Variants in FANCL observed in about 807,000 individuals in gnomAD.
FANCL encodes the protein E3 ubiquitin-protein ligase FANCL.
FANCL carries 69 observed loss-of-function variants against 59.4 expected under a neutral mutation model. That is an observed-to-expected ratio of 1.16 (90% CI 0.96 to 1.42). The LOEUF is 1.42. Ranked by LOEUF, FANCL falls within the 40% of genes most tolerant of loss-of-function variation. The pLI is 0.00. For synonymous variants in FANCL, 180 were observed against 147.1 expected, an observed-to-expected ratio of 1.22 and a Z score of -1.62; for missense variants, 519 against 447.2, an observed-to-expected ratio of 1.16 and a Z score of -1.45.
At position 58,214,204 on chromosome 2, in the gene FANCL, A is replaced by C. The variant is rs139096241; in HGVS notation, c.374+7738T>G. Among the ~76,000 whole-genome samples the C allele has an allele frequency of 3.9e-4, 59 of 152,334 alleles. 1 individual carries two copies. The highest frequency in any genetic ancestry group is 1.4e-3 in the African/African-American group (58 of 41,588). On this transcript the variant is annotated intron_variant, in intron 5 of 13. Transcript: ENST00000233741. ...GAAAAAAGGAGGCAATTATATTGTG[A>C]TAAGTGACATATGATAGAGATATTC...
intron 8 of FANCL, among the ~76,000 whole-genome samples, chr2:58,164,370 A>G (rs1685654568): frequency 6.6e-6 from 1 of 152,016 alleles, no homozygotes; most frequent in South Asian, 2.1e-4. Context: ...TTAACAGAAA[A>G]AAATGACTAG....
chr2:58,239,680 A>T (rs1199821837), intron 1 of FANCL, among the ~76,000 whole-genome samples: 2 of 152,206 alleles, frequency 1.3e-5, no homozygotes, highest in Admixed American at 1.3e-4. Flanking sequence ...CCTCGTTCTT[A>T]TGAAATGTAT....
chr2:58,165,589 A>C (rs956704354), intron 8 of FANCL, 135 bp downstream of exon 8: 7 of 1,074,266 alleles, frequency 6.5e-6, no homozygotes, highest in Non-Finnish European at 9.5e-6. Context: ...TGTAGCCAAA[A>C]AAAAGTTTAT....
Position 58,160,182 on chromosome 2 carries a change from G to C in FANCL, c.1021-3C>G. On this transcript the variant is annotated splice_polypyrimidine_tract_variant and splice_region_variant and intron_variant, in intron 12 of 13. Transcript: ENST00000233741. Reference sequence around the variant, plus strand: ...CTAGTTAGTAGTCCTCTCAGCCACTGCAAATTTTAAAAGATAAAGGAGAAG... The same window carrying C: ...CTAGTTAGTAGTCCTCTCAGCCACTCCAAATTTTAAAAGATAAAGGAGAAG... The C allele has an allele frequency of 6.2e-7, 1 of 1,612,168 alleles. No individual in the cohort carries two copies.
At chr2:58,235,591 G>A (rs1471439400) in intron 1 of FANCL, among the ~76,000 whole-genome samples, 2 of 151,934 alleles carry the variant, frequency 1.3e-5, no homozygotes, top group Admixed American at 1.3e-4. Flanking sequence ...GCATGCAACA[G>A]GTAGCATTCA....
At chr2:58,174,292 T>C (rs948927442) in intron 7 of FANCL, among the ~76,000 whole-genome samples, 3 of 152,174 alleles carry the variant, frequency 2.0e-5, no homozygotes, top group Admixed American at 6.5e-5. Context: ...GCAGACCTAA[T>C]AGAAATCTAC....
chr2:58,234,362 T>G (rs1030785765), intron 1 of FANCL, among the ~76,000 whole-genome samples: 4 of 151,162 alleles, frequency 2.6e-5, no homozygotes, highest in African/African-American at 7.3e-5. Context: ...AAACACAAAA[T>G]TATATGAAAG....
At chr2:58,198,907 T>C (rs187751009) in intron 6 of FANCL, among the ~76,000 whole-genome samples, 165 of 151,640 alleles carry the variant, frequency 1.1e-3, no homozygotes, top group Middle Eastern at 3.4e-3. Context: ...TGGGCGCCTG[T>C]AGTCCCAGCT....
At chr2:58,185,227 G>A (rs910289724) in intron 7 of FANCL, among the ~76,000 whole-genome samples, 1 of 152,084 alleles carries the variant, frequency 6.6e-6, no homozygotes, top group African/African-American at 2.4e-5. Flanking sequence ...TTTGAAAAGA[G>A]CAAGCATAAA....
At chr2:58,177,586 A>T (rs1468055491) in intron 7 of FANCL, among the ~76,000 whole-genome samples, 10 of 134,508 alleles carry the variant, frequency 7.4e-5, no homozygotes, top group Non-Finnish European at 1.5e-5. Flanking sequence ...AACAATGAGA[A>T]CACATGGACA....
intron 8 of FANCL, 135 bp from the exon 9 acceptor site, chr2:58,163,652 TTTATG>T (rs1226013652): frequency 1.5e-6 from 1 of 648,740 alleles, no homozygotes. Context: ...GTTTTGTAGT[TTTATG>T]TAATGGTAAA....
chr2:58,174,379 T>G (rs1005228722), intron 7 of FANCL, among the ~76,000 whole-genome samples: 1 of 152,066 alleles, frequency 6.6e-6, no homozygotes, highest in African/African-American at 2.4e-5. Context: ...ATCGACCACA[T>G]AGTTGGAAAT....
chr2:58,160,204 G>C, intron 12 of FANCL, 25 bp from the exon 13 acceptor site: 1 of 1,608,528 alleles, frequency 6.2e-7, no homozygotes, highest in Non-Finnish European at 8.5e-7. Flanking sequence ...AGATAAAGGA[G>C]AAGCGTCAGC....
rs200614051 is a variant in FANCL at position 58,162,497 on chromosome 2, A to AT, written c.903+368dup. On this transcript the variant is annotated intron_variant, in intron 11 of 13. Transcript: ENST00000233741. ...ACTGCACAGGTCTACTTATACACAG[A>AT]TTTTTTTTTTAACCAAATGCAGATC... Among the ~76,000 whole-genome samples the AT allele has an allele frequency of 6.1e-3, 911 of 150,298 alleles. 7 individuals are homozygous for AT. Among genetic ancestry groups the AT allele is most frequent in the East Asian group, 0.024 (124 of 5,158 alleles).
intron 8 of FANCL, among the ~76,000 whole-genome samples, chr2:58,165,356 C>T (rs146341935): frequency 2.1e-3 from 325 of 152,274 alleles, no homozygotes; most frequent in African/African-American, 6.8e-3. Flanking sequence ...TCTGAGCACA[C>T]TAATCTGAGA....
chr2:58,181,098 G>A (rs1293878362), intron 7 of FANCL, among the ~76,000 whole-genome samples: 2 of 151,968 alleles, frequency 1.3e-5, no homozygotes, highest in East Asian at 1.9e-4. Context: ...TACCGTTACC[G>A]GAATGCTCAC....
chr2:58,209,106 C>A (rs1690874640), intron 5 of FANCL, among the ~76,000 whole-genome samples: 1 of 152,102 alleles, frequency 6.6e-6, no homozygotes, highest in Non-Finnish European at 1.5e-5. Flanking sequence ...TATTTGTAGC[C>A]CAAAATGCTT....
chr2:58,227,612 C>G (rs1263151406), intron 3 of FANCL, among the ~76,000 whole-genome samples: 4 of 152,172 alleles, frequency 2.6e-5, no homozygotes, highest in African/African-American at 9.7e-5. Context: ...TCTCGATGTC[C>G]AGCCACTTGT....
At chr2:58,169,895 C>G (rs1043315976) in intron 7 of FANCL, among the ~76,000 whole-genome samples, 2 of 152,002 alleles carry the variant, frequency 1.3e-5, no homozygotes, top group African/African-American at 2.4e-5. Context: ...CAAGAAATAT[C>G]AGACTATGTG....
Sources: gnomAD v4.1 joint callset for allele counts (sites outside exome capture counted in the v4.1 genomes callset) on GRCh38, gnomAD v4.1.1 for gene constraint, MANE v1.5 for transcripts, NCBI Gene and HGNC (gene_info 2026-07-23, HGNC 2026-07-21) for gene names.